AKAP13: variants seen among roughly 807,000 people sequenced by gnomAD.
AKAP13 encodes the protein A-kinase anchoring protein 13, also known as A-kinase anchor protein 13.
Under a neutral mutation model 264.5 loss-of-function variants are expected in AKAP13, and 80 were observed. The ratio of observed to expected loss-of-function variants is 0.30; its 90% CI spans 0.25 to 0.36. The LOEUF is 0.36. Ranked by LOEUF, AKAP13 falls within the 10% of genes least tolerant of loss-of-function variation. The pLI is 1.00. For missense variants in AKAP13, 3,712 were observed against 3,435.2 expected (o/e 1.08, Z -2.01); for synonymous variants, 1,380 against 1,250.2 (o/e 1.10, Z -2.19).
At chr15:85,453,805 A>C (rs1203203864) in intron 1 of AKAP13, among the ~76,000 whole-genome samples, 1 of 151,334 alleles carries the variant, frequency 6.6e-6, no homozygotes, top group Admixed American at 6.6e-5. Context: ...TGTTGGCTGG[A>C]GAGCTTGGGT....
intron 5 of AKAP13, among the ~76,000 whole-genome samples, chr15:85,570,958 G>A (rs555223482): frequency 7.0e-6 from 1 of 143,762 alleles, no homozygotes; most frequent in South Asian, 2.2e-4. Flanking sequence ...TGTTGTTGTT[G>A]TTTTTTTTTT....
At chr15:85,717,145 T>C in intron 20 of AKAP13, 145 bp from the exon 21 acceptor site, 1 of 556,626 alleles carries the variant, frequency 1.8e-6, no homozygotes, top group South Asian at 2.4e-5. Context: ...CATGTTGCTG[T>C]GGCCCCGACA....
At chr15:85,629,009 A>G (rs1302002894) in intron 8 of AKAP13, among the ~76,000 whole-genome samples, 2 of 152,148 alleles carry the variant, frequency 1.3e-5, no homozygotes, top group Non-Finnish European at 2.9e-5. Context: ...CCTAAGCAAC[A>G]TTGTGAGACC....
intron 1 of AKAP13, among the ~76,000 whole-genome samples, chr15:85,394,322 G>A (rs113771545): frequency 5.2e-4 from 79 of 152,302 alleles, no homozygotes; most frequent in African/African-American, 1.7e-3. Context: ...TAATACAGGG[G>A]AGTGGATTAT....
intron 3 of AKAP13, 61 bp downstream of exon 3, chr15:85,521,636 G>A: frequency 6.4e-7 from 1 of 1,560,926 alleles, no homozygotes; most frequent in Non-Finnish European, 8.7e-7. Flanking sequence ...TTTATTCGAT[G>A]TTTATGAGTA....
chr15:85,542,005 G>A (rs550738371), intron 4 of AKAP13, among the ~76,000 whole-genome samples: 1 of 152,192 alleles, frequency 6.6e-6, no homozygotes, highest in Non-Finnish European at 1.5e-5. Flanking sequence ...TGGGAGGGTG[G>A]TAAAGAGACA....
chr15:85,697,235 A>G (rs185505444), intron 17 of AKAP13, among the ~76,000 whole-genome samples: 2 of 152,190 alleles, frequency 1.3e-5, no homozygotes, highest in African/African-American at 4.8e-5. Context: ...GTAAACCACC[A>G]TGAGGAAGAA....
intron 8 of AKAP13, among the ~76,000 whole-genome samples, chr15:85,636,151 A>G (rs1164684586): frequency 6.6e-6 from 1 of 152,072 alleles, no homozygotes; most frequent in Non-Finnish European, 1.5e-5. Context: ...ATTATCCCTA[A>G]TTATTTTATA....
chr15:85,665,939 G>A (rs2083571199), intron 13 of AKAP13, among the ~76,000 whole-genome samples: 1 of 152,128 alleles, frequency 6.6e-6, no homozygotes, highest in Admixed American at 6.5e-5. Flanking sequence ...TGGACATTTG[G>A]GTTGGTTCCA....
rs566317942 is a variant in AKAP13, at chr15:85,456,271, A to G, written c.-11-29439A>G. Among the ~76,000 whole-genome samples, 5 of 152,284 alleles carry G rather than the reference A, an allele frequency of 3.3e-5. No individual in the cohort carries two copies. In the South Asian group the frequency reaches 1.0e-3, roughly 32 times the overall value. ...ATTGTTTAGTCACTTGGATATATACACTGAACATTTTTAGTTAAACAGACC... is the reference window on the plus strand; with the variant it reads ...ATTGTTTAGTCACTTGGATATATACGCTGAACATTTTTAGTTAAACAGACC... On this transcript the variant is annotated intron_variant, in intron 1 of 36. Coordinates refer to ENST00000394518, the MANE Select transcript of AKAP13 (RefSeq NM_007200.5).
chr15:85,531,570 G>T (rs1373949522), intron 3 of AKAP13, among the ~76,000 whole-genome samples: 3 of 152,186 alleles, frequency 2.0e-5, no homozygotes, highest in South Asian at 2.1e-4. Flanking sequence ...GTGTAGTTAG[G>T]CTGGCTGCCC....
chr15:85,734,866 G>T (rs1252447192), intron 30 of AKAP13, 126 bp from the exon 31 acceptor site: 11 of 1,293,474 alleles, frequency 8.5e-6, no homozygotes, highest in Non-Finnish European at 1.2e-5. Flanking sequence ...TCTGAGCAAA[G>T]GAACTCACCC....
chr15:85,570,164 T>A (rs548681268), intron 5 of AKAP13, among the ~76,000 whole-genome samples: 10 of 146,546 alleles, frequency 6.8e-5, no homozygotes, highest in African/African-American at 2.5e-4. Context: ...TCAGAGTGAG[T>A]AGGAGGCCGG....
chr15:85,736,777 G>A (rs1281063097), intron 33 of AKAP13, among the ~76,000 whole-genome samples: 4 of 152,190 alleles, frequency 2.6e-5, no homozygotes, highest in African/African-American at 9.7e-5. Context: ...AGCACACTGA[G>A]TAGAATTCAT....
chr15:85,687,509 G>T (rs1252592486), intron 16 of AKAP13, among the ~76,000 whole-genome samples: 1 of 152,062 alleles, frequency 6.6e-6, no homozygotes, highest in African/African-American at 2.4e-5. Flanking sequence ...ATTGAGATTG[G>T]TTCCTCTTTC....
intron 8 of AKAP13, among the ~76,000 whole-genome samples, chr15:85,596,188 T>C (rs2079819143): frequency 6.6e-6 from 1 of 152,220 alleles, no homozygotes; most frequent in Admixed American, 6.5e-5. Flanking sequence ...TTAAAATATC[T>C]AAGTTTAAAC....
chr15:85,688,051 A>G (rs777366591), intron 16 of AKAP13, among the ~76,000 whole-genome samples: 125 of 148,752 alleles, frequency 8.4e-4, no homozygotes, highest in South Asian at 1.9e-3. Context: ...AAAAAAAAAG[A>G]GAGAGAGAGG....
chr15:85,705,964 C>G (rs1160273274), intron 17 of AKAP13, among the ~76,000 whole-genome samples: 1 of 152,194 alleles, frequency 6.6e-6, no homozygotes, highest in African/African-American at 2.4e-5. Flanking sequence ...TTGCTTTATT[C>G]TCTTCAGCAT....
Position 85,726,406 on chromosome 15 carries a change from C to G in AKAP13, c.6746-4C>G. On this transcript the variant is annotated splice_region_variant and splice_polypyrimidine_tract_variant and intron_variant, in intron 26 of 36. Transcript: ENST00000394518. ...TCTTCCCTTCTCCCATTTCCATTTTCCAGAGGTTCAAGCAGTTCTTCTCAC... is the reference window on the plus strand; with the variant it reads ...TCTTCCCTTCTCCCATTTCCATTTTGCAGAGGTTCAAGCAGTTCTTCTCAC... 5 of 1,611,946 alleles carry G rather than the reference C, an allele frequency of 3.1e-6. No individual in the cohort carries two copies. Among genetic ancestry groups the G allele is most frequent in the Non-Finnish European group, 4.2e-6 (5 of 1,178,780 alleles).
Sources: gnomAD v4.1 joint callset for allele counts (sites outside exome capture counted in the v4.1 genomes callset) on GRCh38, gnomAD v4.1.1 for gene constraint, MANE v1.5 for transcripts, NCBI Gene and HGNC (gene_info 2026-07-23, HGNC 2026-07-21) for gene names.